Variants in VSTM4 observed in about 807,000 individuals in gnomAD.
VSTM4 encodes the protein V-set and transmembrane domain containing 4, also known as V-set and transmembrane domain-containing protein 4.
A neutral mutation model predicts 36.4 loss-of-function variants in VSTM4; 20 were observed. That is an observed-to-expected ratio of 0.55 (90% CI 0.39 to 0.80). VSTM4 has a LOEUF of 0.80. VSTM4 is among the 30% of genes least tolerant of loss of function. The pLI, the probability that VSTM4 is intolerant of heterozygous loss-of-function variation, is 0.00. For synonymous variants in VSTM4, 182 were observed against 173.9 expected (o/e 1.05, Z -0.37); for missense variants, 392 against 404.5 (o/e 0.97, Z 0.26).
intron 2 of VSTM4, among the ~76,000 whole-genome samples, chr10:49,104,860 C>T (rs78567731): frequency 0.04 from 5,173 of 128,934 alleles, 286 homozygotes; most frequent in African/African-American, 0.14. Flanking sequence ...GAGACACACA[C>T]GGAGAGAGAA....
rs755839854 is a variant in VSTM4, at chr10:49,085,962, A to G, written c.519T>C (p.Phe173=). 46 of 1,587,256 alleles carry G rather than the reference A, an allele frequency of 2.9e-5. No homozygotes were observed. Among genetic ancestry groups the G allele is most frequent in the Non-Finnish European group, 3.9e-5 (46 of 1,169,012 alleles). The change falls in exon 3 of 8, where the codon TTT becomes TTC. Residue 173 remains phenylalanine (F), a synonymous_variant. Coordinates refer to ENST00000332853, the MANE Select transcript of VSTM4 (RefSeq NM_001031746.5). ...SFEKTKETWA[F]FEDLYVYAVL... ...GAAATATACAAGCTTTACCTTCAAA[A>G]AATGCCCAAGTCTCTTTTGTTTTCT...
chr10:49,038,371 G>A (rs972310930), intron 7 of VSTM4, among the ~76,000 whole-genome samples: 3 of 152,206 alleles, frequency 2.0e-5, no homozygotes, highest in African/African-American at 4.8e-5. Context: ...GACAAATACT[G>A]CATGATTCCA....
At chr10:49,020,443 C>T (rs1211796097) in intron 7 of VSTM4, among the ~76,000 whole-genome samples, 1 of 151,254 alleles carries the variant, frequency 6.6e-6, no homozygotes, top group Non-Finnish European at 1.5e-5. Flanking sequence ...GCATAAATCA[C>T]CAGTAAAACA....
intron 4 of VSTM4, among the ~76,000 whole-genome samples, chr10:49,076,636 G>C (rs1844183588): frequency 6.6e-6 from 1 of 152,072 alleles, no homozygotes; most frequent in South Asian, 2.1e-4. Context: ...AGTGTTCATA[G>C]AGATATGAGA....
chr10:49,083,911 C>A (rs942836030), intron 3 of VSTM4, among the ~76,000 whole-genome samples: 1 of 152,140 alleles, frequency 6.6e-6, no homozygotes. Flanking sequence ...AATGTTATAA[C>A]CAGAACCTCA....
intron 7 of VSTM4, among the ~76,000 whole-genome samples, chr10:49,046,371 A>T (rs532262251): frequency 6.6e-6 from 1 of 152,342 alleles, no homozygotes; most frequent in African/African-American, 2.4e-5. Context: ...AAGCAAGGAG[A>T]TGTAACAACT....
intron 2 of VSTM4, among the ~76,000 whole-genome samples, 166 bp from the exon 3 acceptor site, chr10:49,086,189 A>C (rs565480278): frequency 1.3e-5 from 2 of 152,356 alleles, no homozygotes; most frequent in South Asian, 2.1e-4. Context: ...TTGGGAAACA[A>C]GGGGCACAGG....
In VSTM4 at chr10:49,042,322, T is replaced by C. The variant is rs1214141987; in HGVS notation, c.837+4661A>G. On this transcript the variant is annotated intron_variant, in intron 7 of 7. Transcript: ENST00000332853. ...GGTATAGTCAACAGAGTAGAATTGA[T>C]GAGGATTTTTTGATAACATGAACCA... Among the ~76,000 whole-genome samples, 10 of 152,352 alleles carry C rather than the reference T, an allele frequency of 6.6e-5. 2 individuals carry two copies. In the South Asian group the frequency reaches 1.7e-3, roughly 25 times the overall value.
chr10:49,030,221 G>A (rs1044080123), intron 7 of VSTM4, among the ~76,000 whole-genome samples: 9 of 152,200 alleles, frequency 5.9e-5, no homozygotes, highest in African/African-American at 1.2e-4. Flanking sequence ...TCCTTGGAGC[G>A]GAGGCCACTG....
intron 2 of VSTM4, among the ~76,000 whole-genome samples, chr10:49,100,297 T>C (rs1230520112): frequency 6.6e-6 from 1 of 151,754 alleles, no homozygotes; most frequent in Non-Finnish European, 1.5e-5. Context: ...TACTGGCCAA[T>C]GCAATATGGT....
At chr10:49,053,355 G>T (rs1843727983) in intron 5 of VSTM4, among the ~76,000 whole-genome samples, 1 of 152,150 alleles carries the variant, frequency 6.6e-6, no homozygotes, top group Non-Finnish European at 1.5e-5. Flanking sequence ...ACAAAGGCTT[G>T]GCAGTTTTGC....
At chr10:49,045,856 C>T (rs981477764) in intron 7 of VSTM4, among the ~76,000 whole-genome samples, 1 of 152,146 alleles carries the variant, frequency 6.6e-6, no homozygotes, top group East Asian at 1.9e-4. Context: ...ATCCGTAACC[C>T]CATGATATGG....
chr10:49,113,142 C>T (rs1274973127), intron 1 of VSTM4, among the ~76,000 whole-genome samples: 5 of 152,186 alleles, frequency 3.3e-5, no homozygotes, highest in Non-Finnish European at 7.4e-5. Flanking sequence ...AGACCAGAGC[C>T]TCTAAGTTTA....
chr10:49,022,757 T>G (rs1323696035), intron 7 of VSTM4, among the ~76,000 whole-genome samples: 4 of 152,188 alleles, frequency 2.6e-5, no homozygotes, highest in African/African-American at 4.8e-5. Flanking sequence ...AAAACCCAAC[T>G]CATGTAAATT....
intron 5 of VSTM4, among the ~76,000 whole-genome samples, chr10:49,051,902 CATATT>C (rs987680132): frequency 5.9e-5 from 9 of 151,980 alleles, no homozygotes; most frequent in African/African-American, 1.7e-4. Context: ...TTTTTTAAAT[CATATT>C]ATATTATAAT....
chr10:49,098,508 G>T (rs1844612392), intron 2 of VSTM4, among the ~76,000 whole-genome samples: 1 of 152,078 alleles, frequency 6.6e-6, no homozygotes, highest in Admixed American at 6.5e-5. Context: ...AACTACAAAA[G>T]ACCCCACTTC....
intron 2 of VSTM4, among the ~76,000 whole-genome samples, chr10:49,090,547 G>C (rs1309376961): frequency 6.6e-6 from 1 of 152,178 alleles, no homozygotes; most frequent in Non-Finnish European, 1.5e-5. Flanking sequence ...GAGGAGAAAT[G>C]AGACTTCCAT....
chr10:49,020,320 T>G (rs888254673), intron 7 of VSTM4, among the ~76,000 whole-genome samples: 2 of 152,130 alleles, frequency 1.3e-5, no homozygotes, highest in East Asian at 3.8e-4. Context: ...CTGAAATACT[T>G]ATGCTAAATA....
At chr10:49,069,684 A>G (rs114418539) in intron 4 of VSTM4, among the ~76,000 whole-genome samples, 2,158 of 152,276 alleles carry the variant, frequency 0.014, 44 homozygotes, top group African/African-American at 0.05. Context: ...CCAGGCCTAC[A>G]GTTATAAGGA....
Sources: gnomAD v4.1 joint callset for allele counts (sites outside exome capture counted in the v4.1 genomes callset) on GRCh38, gnomAD v4.1.1 for gene constraint, MANE v1.5 for transcripts, NCBI Gene and HGNC (gene_info 2026-07-23, HGNC 2026-07-21) for gene names.